Variants in DNAJC2 observed in about 807,000 individuals in gnomAD.
DNAJC2 encodes the protein dnaJ homolog subfamily C member 2.
Under a neutral mutation model 94.0 loss-of-function variants are expected in DNAJC2, and 32 were observed. That is an observed-to-expected ratio of 0.34 (90% CI 0.26 to 0.46). The LOEUF (loss-of-function observed/expected upper bound fraction) is 0.46, where lower values mean the gene tolerates loss of function less well. Among genes scored for constraint, DNAJC2 ranks in the 20% least tolerant of loss-of-function variants. The pLI is 1.00. For synonymous variants in DNAJC2, 210 were observed against 229.7 expected, an observed-to-expected ratio of 0.91 and a Z score of 0.77; for missense variants, 550 against 719.5, an observed-to-expected ratio of 0.76 and a Z score of 2.69.
chr7:103,321,741 C>A (rs1382008801), intron 10 of DNAJC2, among the ~76,000 whole-genome samples, 191 bp downstream of exon 10: 1 of 152,054 alleles, frequency 6.6e-6, no homozygotes, highest in Non-Finnish European at 1.5e-5. Context: ...CCCAGCTACT[C>A]GGGAGGCTGA....
intron 13 of DNAJC2, 75 bp downstream of exon 13, chr7:103,316,752 GTGC>G (rs1159255561): frequency 1.0e-5 from 12 of 1,184,052 alleles, no homozygotes; most frequent in Non-Finnish European, 1.2e-5. Flanking sequence ...GTGATAACAA[GTGC>G]TGCTATTTGG....
chr7:103,342,504 C>A (rs71572233), intron 1 of DNAJC2, among the ~76,000 whole-genome samples: 1 of 151,940 alleles, frequency 6.6e-6, no homozygotes, highest in Non-Finnish European at 1.5e-5. Flanking sequence ...GGGGTTTCTC[C>A]ATGTTGGTCA....
At position 103,313,478 on chromosome 7, in the gene DNAJC2, C is replaced by G. The variant is rs77297110; in HGVS notation, c.1637-377G>C. 4.5e-3 allele frequency: 4,465 copies of G among 984,992 alleles called. 141 individuals are homozygous for G. The African/African-American group carries it at 0.07, about 15-fold the overall frequency. The allele number at this position is 984,992 out of a possible 1,614,324, so 61.0% of individuals were successfully genotyped here. On this transcript the variant is annotated intron_variant, in intron 15 of 16. Coordinates refer to ENST00000379263, the MANE Select transcript of DNAJC2 (RefSeq NM_014377.3). ...CAATTCATTAAGAGTTCTGATAAAT[C>G]TACTTCCTTACAGAATAGGTAAAAG...
intron 15 of DNAJC2, chr7:103,313,655 T>C: frequency 2.0e-6 from 2 of 985,452 alleles, no homozygotes; most frequent in South Asian, 4.7e-5. Flanking sequence ...TGTAGTGTGG[T>C]GTTCTCTTCG....
chr7:103,330,727 G>C (rs1474202645), intron 3 of DNAJC2, among the ~76,000 whole-genome samples: 1 of 151,116 alleles, frequency 6.6e-6, no homozygotes, highest in Non-Finnish European at 1.5e-5. Context: ...TGGGATTACA[G>C]GTGTGAGCTA....
At chr7:103,343,064 A>G (rs1343927932) in intron 1 of DNAJC2, among the ~76,000 whole-genome samples, 1 of 151,694 alleles carries the variant, frequency 6.6e-6, no homozygotes, top group Non-Finnish European at 1.5e-5. Context: ...CAATAGCGCA[A>G]TCTCGGCTCA....
At chr7:103,328,886 T>C (rs1350134695) in intron 3 of DNAJC2, 2 of 598,902 alleles carry the variant, frequency 3.3e-6, no homozygotes, top group Non-Finnish European at 5.0e-6. Flanking sequence ...TTTGAATAAT[T>C]TTAAATGTAA....
intron 15 of DNAJC2, 73 bp from the exon 16 acceptor site, chr7:103,313,174 A>G (rs2878): frequency 0.14 from 213,063 of 1,497,770 alleles, 21,030 homozygotes; most frequent in African/African-American, 0.52. Context: ...GTCCACAAGT[A>G]TTCGCTAAGT....
chr7:103,341,703 A>T (rs1819379505), intron 2 of DNAJC2, 61 bp downstream of exon 2: 2 of 1,347,778 alleles, frequency 1.5e-6, no homozygotes, highest in Non-Finnish European at 2.0e-6. Context: ...GAAAACTCAT[A>T]AGAAAATTGT....
intron 2 of DNAJC2, among the ~76,000 whole-genome samples, chr7:103,339,512 CTTCA>C (rs1819298545): frequency 6.6e-6 from 1 of 152,056 alleles, no homozygotes; most frequent in South Asian, 2.1e-4. Flanking sequence ...CCTAATCACT[CTTCA>C]TTCACTGTAA....
At chr7:103,319,713 C>T in intron 11 of DNAJC2, 35 bp from the exon 12 acceptor site, 1 of 1,613,942 alleles carries the variant, frequency 6.2e-7, no homozygotes, top group Non-Finnish European at 8.5e-7. Flanking sequence ...AAACTTTATC[C>T]TAAGCTCAAG....
At position 103,341,894 on chromosome 7, in the gene DNAJC2, C is replaced by T. The variant is rs189317813; in HGVS notation, c.125G>A (p.Arg42Lys). The T allele has an allele frequency of 6.2e-7, 1 of 1,612,916 alleles. No individual in the cohort carries two copies. The highest frequency in any genetic ancestry group is 1.7e-5 in the Admixed American group (1 of 59,656). ...AAAAGAGGCAGAAGCATTTCTGTTT[C>T]TCCTCTTAACAAAAGCTTCAAACCA... ...GRWFEAFVKRRNRNASASFQE... is the reference protein window; with the variant it reads ...GRWFEAFVKRKNRNASASFQE... Residue 42 changes from arginine (R) to lysine (K), a missense_variant, in exon 2 of 17, where the codon AGA (arginine) becomes AAA (lysine). Around this residue, in one of 2 missense-constraint regions of DNAJC2, gnomAD observed 279 missense variants for 416.9 expected, o/e 0.67. Coordinates refer to ENST00000379263, the MANE Select transcript of DNAJC2 (RefSeq NM_014377.3).
chr7:103,323,767 T>G, intron 6 of DNAJC2, 104 bp from the exon 7 acceptor site: 1 of 901,834 alleles, frequency 1.1e-6, no homozygotes, highest in Non-Finnish European at 1.5e-6. Flanking sequence ...TTTCCTTCCC[T>G]TCTAGTATTG....
Position 103,322,603 on chromosome 7 carries a change from T to G in DNAJC2, c.841A>C (p.Lys281Gln). ...GCTTTTTCTTCTTCCTTGAACTTTTTTATCCTTGGATCACAGCTGTATGCA... is the reference window on the plus strand; with the variant it reads ...GCTTTTTCTTCTTCCTTGAACTTTTGTATCCTTGGATCACAGCTGTATGCA... Reference protein sequence around the residue: ...DNAYSCDPRIKKFKEEEKAKK... With the variant: ...DNAYSCDPRIQKFKEEEKAKK... Residue 281 changes from lysine to glutamine, a missense_variant, in exon 9 of 17, where the codon AAA becomes CAA. Coordinates refer to ENST00000379263, the MANE Select transcript of DNAJC2 (RefSeq NM_014377.3). 1 of 1,612,720 alleles carries G rather than the reference T, an allele frequency of 6.2e-7. No individual in the cohort carries two copies. The highest frequency in any genetic ancestry group is 1.1e-5 in the South Asian group (1 of 90,934).
Position 103,341,748 on chromosome 7 carries a change from T to G in DNAJC2, c.255+16A>C. The G allele has an allele frequency of 6.6e-7, 1 of 1,526,540 alleles. No homozygotes were observed. Among genetic ancestry groups the G allele is most frequent in the Non-Finnish European group, 8.8e-7 (1 of 1,137,660 alleles). 94.6% of individuals were successfully genotyped at this position (1,526,540 alleles called of 1,614,324 possible). ...ACAAAGCATCTGACTGAACAAAATATTCAGATATTAAATACCTTCCAGTCT... is the reference window on the plus strand; with the variant it reads ...ACAAAGCATCTGACTGAACAAAATAGTCAGATATTAAATACCTTCCAGTCT... On this transcript the variant is annotated intron_variant, in intron 2 of 16. Transcript: ENST00000379263.
chr7:103,334,193 C>T (rs182401355), intron 3 of DNAJC2, among the ~76,000 whole-genome samples: 6 of 151,982 alleles, frequency 3.9e-5, no homozygotes, highest in South Asian at 4.2e-4. Context: ...CCTCGTGATC[C>T]GCCTGCCTTG....
chr7:103,325,239 T>C (rs1818639931), intron 5 of DNAJC2, among the ~76,000 whole-genome samples: 1 of 149,424 alleles, frequency 6.7e-6, no homozygotes, highest in Non-Finnish European at 1.5e-5. Flanking sequence ...AGGCCAGGAG[T>C]TTGAGACCAG....
At chr7:103,344,455 T>G in intron 1 of DNAJC2, 104 bp downstream of exon 1, 1 of 1,327,762 alleles carries the variant, frequency 7.5e-7, no homozygotes, top group Non-Finnish European at 1.1e-6. Flanking sequence ...GCCCCGGGGC[T>G]AGTCGCCAGG....
At chr7:103,321,791 T>G in intron 10 of DNAJC2, 141 bp downstream of exon 10, 1 of 877,884 alleles carries the variant, frequency 1.1e-6, no homozygotes, top group South Asian at 2.4e-5. Context: ...GAAATTGCGG[T>G]GAACTGAGAT....
Sources: allele counts gnomAD v4.1 joint callset (sites outside exome capture counted in the v4.1 genomes callset), GRCh38; gene constraint gnomAD v4.1.1; regional missense constraint gnomAD v4.1.1; transcripts MANE v1.5; gene names NCBI Gene and HGNC (gene_info 2026-07-23, HGNC 2026-07-21).